The following NEK6 variants were observed in gnomAD, a reference collection of about 807,000 sequenced individuals.
NEK6 encodes NIMA related kinase 6.
In NEK6, 27 loss-of-function variants were observed where a neutral mutation model predicts 43.5. The observed-to-expected ratio is 0.62, with a 90% CI of 0.46 to 0.86. The LOEUF (loss-of-function observed/expected upper bound fraction) is 0.86. Ranked by LOEUF, NEK6 falls within the 40% of genes least tolerant of loss-of-function variation. NEK6 has a pLI of 0.00. For missense variants in NEK6, 318 were observed against 414.4 expected (o/e 0.77, Z 2.02); for synonymous variants, 167 against 164.1 (o/e 1.02, Z -0.14).
At chr9:124,297,432 G>A (rs917359349) in intron 1 of NEK6, among the ~76,000 whole-genome samples, 2 of 152,064 alleles carry the variant, frequency 1.3e-5, no homozygotes, top group South Asian at 2.1e-4. Flanking sequence ...AGATGAAACC[G>A]GGCCAGGACC....
intron 1 of NEK6, among the ~76,000 whole-genome samples, chr9:124,271,944 C>A (rs767123141): frequency 2.6e-5 from 4 of 152,252 alleles, no homozygotes; most frequent in Non-Finnish European, 5.9e-5. Flanking sequence ...CACACCTGGC[C>A]GTGAGCCACA....
At chr9:124,269,542 T>A (rs1036573343) in intron 1 of NEK6, among the ~76,000 whole-genome samples, 3 of 151,544 alleles carry the variant, frequency 2.0e-5, no homozygotes, top group Non-Finnish European at 2.9e-5. Flanking sequence ...CCCGGCTAAT[T>A]TTTTTTTGTA....
At chr9:124,288,327 C>T (rs752626571) in intron 1 of NEK6, among the ~76,000 whole-genome samples, 5 of 152,054 alleles carry the variant, frequency 3.3e-5, no homozygotes, top group Non-Finnish European at 7.4e-5. Flanking sequence ...AGTGCAGTGG[C>T]GCGACCTCAA....
At chr9:124,258,679 C>T (rs969628352) in intron 1 of NEK6, among the ~76,000 whole-genome samples, 1 of 152,326 alleles carries the variant, frequency 6.6e-6, no homozygotes, top group African/African-American at 2.4e-5. Context: ...CCAGGGAGCC[C>T]GTGGAGAGAG....
chr9:124,270,679 C>G (rs559840594), intron 1 of NEK6, among the ~76,000 whole-genome samples: 1 of 152,352 alleles, frequency 6.6e-6, no homozygotes, highest in East Asian at 1.9e-4. Flanking sequence ...GCCCCCGACC[C>G]TCCTGCCTGC....
intron 8 of NEK6, among the ~76,000 whole-genome samples, chr9:124,340,398 G>A (rs927991648): frequency 1.3e-5 from 2 of 152,290 alleles, no homozygotes; most frequent in South Asian, 2.1e-4. Flanking sequence ...TAAGTTCTCC[G>A]GTGTCCAGGT....
chr9:124,340,057 G>C (rs1212410483), intron 8 of NEK6, among the ~76,000 whole-genome samples: 1 of 152,006 alleles, frequency 6.6e-6, no homozygotes, highest in African/African-American at 2.4e-5. Context: ...AGAGGAGTCA[G>C]ACTTGCCTCA....
chr9:124,267,073 C>T (rs183344496), intron 1 of NEK6, among the ~76,000 whole-genome samples: 187 of 152,352 alleles, frequency 1.2e-3, no homozygotes, highest in Admixed American at 0.011. Flanking sequence ...TTCTACCAAG[C>T]ACACACTTTG....
At chr9:124,309,942 G>A (rs1238020508) in intron 2 of NEK6, among the ~76,000 whole-genome samples, 1 of 152,210 alleles carries the variant, frequency 6.6e-6, no homozygotes. Context: ...ACTAGACAGG[G>A]GCCCCCTTTT....
chr9:124,309,348 C>T (rs1046253229), intron 2 of NEK6, among the ~76,000 whole-genome samples: 1 of 152,238 alleles, frequency 6.6e-6, no homozygotes, highest in Admixed American at 6.5e-5. Flanking sequence ...AGCTTCGGCC[C>T]CACTGTGGAG....
intron 7 of NEK6, among the ~76,000 whole-genome samples, chr9:124,335,860 A>G (rs1829264762): frequency 6.6e-6 from 1 of 152,202 alleles, no homozygotes; most frequent in Admixed American, 6.5e-5. Flanking sequence ...CTATAATCCA[A>G]ACACTTTAGG....
At chr9:124,309,584 C>A (rs983271645) in intron 2 of NEK6, among the ~76,000 whole-genome samples, 3 of 152,186 alleles carry the variant, frequency 2.0e-5, no homozygotes, top group Non-Finnish European at 4.4e-5. Context: ...TAGCCTGTTT[C>A]CTGATTTGCG....
chr9:124,314,457 T>C lies in NEK6; in HGVS notation c.294+472T>C, dbSNP rs548121602. On this transcript the variant is annotated intron_variant, in intron 4 of 9. Coordinates refer to ENST00000320246, the MANE Select transcript of NEK6 (RefSeq NM_014397.6). Reference sequence around the variant, plus strand: ...TCCATCTCTCCTCTCAGCCTTTTTCTTTGGTTTTGTTGGTAGTGGTGGTGG... The same window carrying C: ...TCCATCTCTCCTCTCAGCCTTTTTCCTTGGTTTTGTTGGTAGTGGTGGTGG... Among the ~76,000 whole-genome samples, 35 of 151,216 alleles carry C rather than the reference T, an allele frequency of 2.3e-4. No individual in the cohort carries two copies. In the East Asian group the frequency reaches 4.3e-3, roughly 18 times the overall value.
At chr9:124,331,966 G>A (rs1386924878) in intron 7 of NEK6, among the ~76,000 whole-genome samples, 1 of 152,220 alleles carries the variant, frequency 6.6e-6, no homozygotes, top group Non-Finnish European at 1.5e-5. Flanking sequence ...TGGATCTCAG[G>A]CCTGAGTTTC....
At chr9:124,294,695 T>G (rs1348345417) in intron 1 of NEK6, among the ~76,000 whole-genome samples, 1 of 151,196 alleles carries the variant, frequency 6.6e-6, no homozygotes, top group Admixed American at 6.6e-5. Context: ...TGGGGGATGT[T>G]GGGGGCAAAT....
At chr9:124,261,919 G>C (rs1831046641) in intron 1 of NEK6, among the ~76,000 whole-genome samples, 1 of 151,988 alleles carries the variant, frequency 6.6e-6, no homozygotes, top group Non-Finnish European at 1.5e-5. Context: ...CTGTGATTTG[G>C]GGAGGTAAAA....
At position 124,326,597 on chromosome 9, in the gene NEK6, G is replaced by A. The variant is rs151113840; in HGVS notation, c.514+159G>A. Among the ~76,000 whole-genome samples, 10 of 152,248 alleles carry A rather than the reference G, an allele frequency of 6.6e-5. No homozygotes were observed. The highest frequency in any genetic ancestry group is 2.6e-4 in the Admixed American group (4 of 15,300). ...CTGCCCAGCAACCGCGCACACACAC[G>A]CGCCCGGGTCAGGAACCTCCCCGAG... On this transcript the variant is annotated intron_variant, in intron 6 of 9. Coordinates refer to ENST00000320246, the MANE Select transcript of NEK6 (RefSeq NM_014397.6). This position sits in a 1 kb window ranked among gnomAD's most constrained non-coding sequence, Gnocchi z 4.5.
At chr9:124,287,421 C>T (rs1033628847) in intron 1 of NEK6, among the ~76,000 whole-genome samples, 1 of 152,212 alleles carries the variant, frequency 6.6e-6, no homozygotes, top group African/African-American at 2.4e-5. Flanking sequence ...CACTCCTGAG[C>T]CCCCATCTCC....
intron 4 of NEK6, among the ~76,000 whole-genome samples, chr9:124,315,808 A>G (rs1243190948): frequency 6.6e-6 from 1 of 152,230 alleles, no homozygotes; most frequent in Non-Finnish European, 1.5e-5. Context: ...CCATGCAGCC[A>G]AGGGCACCAA....
Sources: allele counts gnomAD v4.1 joint callset (sites outside exome capture counted in the v4.1 genomes callset), GRCh38; gene constraint gnomAD v4.1.1; non-coding constraint Gnocchi (gnomAD v3.1); transcripts MANE v1.5; gene names NCBI Gene and HGNC (gene_info 2026-07-23, HGNC 2026-07-21).